LDLRAD3: variants seen among roughly 807,000 people sequenced by gnomAD.
LDLRAD3 encodes the protein low-density lipoprotein receptor class A domain-containing protein 3.
A neutral mutation model predicts 29.4 loss-of-function variants in LDLRAD3; 20 were observed. The ratio of observed to expected loss-of-function variants is 0.68; its 90% CI spans 0.48 to 0.99. The LOEUF (loss-of-function observed/expected upper bound fraction) is 0.99. Ranked by LOEUF, LDLRAD3 falls within the 50% of genes least tolerant of loss-of-function variation. LDLRAD3 has a pLI of 0.00. For missense variants in LDLRAD3, 420 were observed against 454.3 expected (o/e 0.92, Z 0.69); for synonymous variants, 157 against 192.7 (o/e 0.81, Z 1.53).
intron 1 of LDLRAD3, among the ~76,000 whole-genome samples, chr11:35,999,685 T>C (rs1218544001): frequency 1.3e-5 from 2 of 152,062 alleles, no homozygotes; most frequent in African/African-American, 4.8e-5. Context: ...AAGGGAGGGG[T>C]GTATCACCTC....
At chr11:36,221,097 C>G (rs750066574) in intron 4 of LDLRAD3, among the ~76,000 whole-genome samples, 2 of 151,658 alleles carry the variant, frequency 1.3e-5, no homozygotes, top group East Asian at 1.9e-4. Flanking sequence ...CCTGTAGTCC[C>G]AGCACTTTGG....
intron 1 of LDLRAD3, among the ~76,000 whole-genome samples, chr11:35,985,812 C>A (rs1419409807): frequency 2.6e-5 from 4 of 152,024 alleles, no homozygotes; most frequent in Non-Finnish European, 4.4e-5. Flanking sequence ...TGAGGCCTCC[C>A]CAGCCATGTG....
intron 3 of LDLRAD3, among the ~76,000 whole-genome samples, chr11:36,092,154 G>A (rs1352773887): frequency 1.3e-5 from 2 of 152,140 alleles, no homozygotes; most frequent in African/African-American, 4.8e-5. Flanking sequence ...TACCTTTTTT[G>A]GTAGTAGCAC....
chr11:36,151,367 G>A (rs746524510), intron 4 of LDLRAD3, among the ~76,000 whole-genome samples: 1 of 152,040 alleles, frequency 6.6e-6, no homozygotes, highest in African/African-American at 2.4e-5. Flanking sequence ...CATTTACATC[G>A]AATACAGAAG....
At chr11:36,115,249 C>T (rs1853658879) in intron 4 of LDLRAD3, among the ~76,000 whole-genome samples, 1 of 152,210 alleles carries the variant, frequency 6.6e-6, no homozygotes, top group Non-Finnish European at 1.5e-5. Flanking sequence ...GGAACCAAAA[C>T]CACCGCTTCC....
chr11:36,083,771 CA>C (rs1565210939), intron 3 of LDLRAD3, among the ~76,000 whole-genome samples: 1,446 of 131,628 alleles, frequency 0.011, 22 homozygotes, highest in African/African-American at 0.025. Flanking sequence ...CACACACACA[CA>C]CACACACACC....
intron 3 of LDLRAD3, among the ~76,000 whole-genome samples, chr11:36,090,964 G>T (rs1274962882): frequency 6.6e-6 from 1 of 152,178 alleles, no homozygotes; most frequent in African/African-American, 2.4e-5. Flanking sequence ...TCAAGGCAGC[G>T]AGCATTTTCC....
intron 2 of LDLRAD3, among the ~76,000 whole-genome samples, chr11:36,042,498 C>A (rs998999040): frequency 7.9e-5 from 12 of 152,278 alleles, no homozygotes; most frequent in African/African-American, 2.9e-4. Context: ...TCATTGTGTG[C>A]AGCTGCAGTG....
chr11:36,182,553 G>A (rs1269719780), intron 4 of LDLRAD3, among the ~76,000 whole-genome samples: 2 of 152,168 alleles, frequency 1.3e-5, no homozygotes, highest in Non-Finnish European at 2.9e-5. Context: ...CAAGAAGACA[G>A]GGAGTGAGTG....
intron 4 of LDLRAD3, among the ~76,000 whole-genome samples, chr11:36,141,025 T>TCTCTCA (rs1227874590): frequency 1.4e-5 from 2 of 145,808 alleles, no homozygotes. Context: ...TCTCTCTCTC[T>TCTCTCA]CTCTCTCTCT....
At chr11:36,178,913 T>C (rs1012971350) in intron 4 of LDLRAD3, among the ~76,000 whole-genome samples, 1 of 152,194 alleles carries the variant, frequency 6.6e-6, no homozygotes, top group Non-Finnish European at 1.5e-5. Context: ...CCAATTTGAT[T>C]GTAAGTGTCT....
At chr11:36,046,470 C>T (rs547134055) in intron 2 of LDLRAD3, among the ~76,000 whole-genome samples, 1 of 152,304 alleles carries the variant, frequency 6.6e-6, no homozygotes, top group East Asian at 1.9e-4. Context: ...CCGTCTCTGC[C>T]TCCATCATCC....
chr11:36,085,277 A>C (rs1415713028), intron 3 of LDLRAD3, among the ~76,000 whole-genome samples: 5 of 151,666 alleles, frequency 3.3e-5, no homozygotes, highest in Non-Finnish European at 7.4e-5. Context: ...CGATTTCTGG[A>C]GAGAAATTTA....
At chr11:36,185,479 A>G (rs1197835782) in intron 4 of LDLRAD3, among the ~76,000 whole-genome samples, 1 of 152,210 alleles carries the variant, frequency 6.6e-6, no homozygotes, top group Non-Finnish European at 1.5e-5. Context: ...GCCTCTAGAC[A>G]ATAAATGCAG....
chr11:36,005,858 GGAGA>G (rs1263462807), intron 1 of LDLRAD3, among the ~76,000 whole-genome samples: 1 of 152,084 alleles, frequency 6.6e-6, no homozygotes, highest in South Asian at 2.1e-4. Context: ...CATGGTGGCA[GGAGA>G]GAGAGAGCGC....
chr11:36,111,459 G>C (rs112951162), intron 4 of LDLRAD3, among the ~76,000 whole-genome samples: 9 of 152,222 alleles, frequency 5.9e-5, no homozygotes, highest in Admixed American at 1.3e-4. Flanking sequence ...TTTGTGGCCA[G>C]TGAAAGGTGG....
Position 35,976,993 on chromosome 11 carries a change from T to C in LDLRAD3, c.46+32849T>C, listed in dbSNP as rs567455331. ...ACAAATGTGGTTTTTTGGGTGTTAC[T>C]GATTTATTGAAATTCAAGCTCGAAT... is the stretch of plus-strand genomic sequence containing the variant. On this transcript the variant is annotated intron_variant, in intron 1 of 5. Transcript: ENST00000315571. Among the ~76,000 whole-genome samples, 132 of 152,360 alleles carry C rather than the reference T, an allele frequency of 8.7e-4. 1 individual carries two copies. Among genetic ancestry groups the C allele is most frequent in the Middle Eastern group, 3.4e-3 (1 of 294 alleles).
intron 4 of LDLRAD3, among the ~76,000 whole-genome samples, chr11:36,179,962 TC>T (rs1484519565): frequency 1.3e-5 from 2 of 151,990 alleles, no homozygotes; most frequent in Non-Finnish European, 2.9e-5. Context: ...ACCACCGCAC[TC>T]TAGCCTAGAC....
intron 4 of LDLRAD3, among the ~76,000 whole-genome samples, chr11:36,125,879 C>T (rs1302178413): frequency 2.0e-5 from 3 of 152,106 alleles, no homozygotes; most frequent in Non-Finnish European, 4.4e-5. Flanking sequence ...TGTTCCGTCC[C>T]CTCCCATAAC....
Sources: allele counts gnomAD v4.1 joint callset (sites outside exome capture counted in the v4.1 genomes callset), GRCh38; gene constraint gnomAD v4.1.1; transcripts MANE v1.5; gene names NCBI Gene and HGNC (gene_info 2026-07-23, HGNC 2026-07-21).